The following C8orf34 variants were observed in gnomAD, a reference collection of about 807,000 sequenced individuals.
C8orf34 encodes uncharacterized protein C8orf34.
A neutral mutation model predicts 68.3 loss-of-function variants in C8orf34; 65 were observed. The observed-to-expected ratio is 0.95, with a 90% CI of 0.78 to 1.17. The LOEUF is 1.17. C8orf34 is among the 50% of genes most tolerant of loss of function. The pLI is 0.00. For missense variants in C8orf34, 664 were observed against 655.4 expected, an observed-to-expected ratio of 1.01 and a Z score of -0.14; for synonymous variants, 244 against 241.2, an observed-to-expected ratio of 1.01 and a Z score of -0.11.
At chr8:68,684,694 C>G (rs984540112) in intron 8 of C8orf34, among the ~76,000 whole-genome samples, 1 of 151,740 alleles carries the variant, frequency 6.6e-6, no homozygotes, top group Non-Finnish European at 1.5e-5. Context: ...CTGCTATAAG[C>G]ATGTAAATCG....
intron 1 of C8orf34, 63 bp from the exon 2 acceptor site, chr8:68,439,436 A>T (rs1329056830): frequency 6.6e-7 from 1 of 1,503,860 alleles, no homozygotes; most frequent in African/African-American, 1.4e-5. Flanking sequence ...ATGCTAAGTA[A>T]GTGCTTGCTA....
intron 10 of C8orf34, among the ~76,000 whole-genome samples, chr8:68,774,749 A>T (rs907846313): frequency 2.6e-5 from 4 of 151,194 alleles, no homozygotes; most frequent in South Asian, 2.1e-4. Flanking sequence ...AATTTTTTTT[A>T]AAAAAAACTA....
intron 7 of C8orf34, chr8:68,535,760 A>C: frequency 1.0e-6 from 1 of 955,156 alleles, no homozygotes; most frequent in Non-Finnish European, 1.2e-6. Context: ...GCTCCTTATA[A>C]ATTCACATTG....
At chr8:68,703,456 A>G (rs1405392522) in intron 8 of C8orf34, among the ~76,000 whole-genome samples, 1 of 151,870 alleles carries the variant, frequency 6.6e-6, no homozygotes, top group African/African-American at 2.4e-5. Flanking sequence ...CTTGACAACT[A>G]TTTCTTCCCA....
intron 8 of C8orf34, among the ~76,000 whole-genome samples, chr8:68,648,702 C>T (rs556851874): frequency 8.9e-4 from 136 of 152,326 alleles, no homozygotes; most frequent in Non-Finnish European, 1.7e-3. Context: ...GATACTGGCT[C>T]AGAAACTACA....
intron 7 of C8orf34, among the ~76,000 whole-genome samples, chr8:68,594,108 G>A (rs1319179685): frequency 1.3e-5 from 2 of 152,002 alleles, no homozygotes; most frequent in East Asian, 1.9e-4. Flanking sequence ...TGAAAGTCTT[G>A]TGGTCTTGGG....
chr8:68,489,651 C>T (rs188487815), intron 5 of C8orf34, among the ~76,000 whole-genome samples: 8 of 152,252 alleles, frequency 5.3e-5, no homozygotes, highest in Admixed American at 1.3e-4. Context: ...TTTGTGACAT[C>T]GTGTCGATGC....
chr8:68,371,364 A>G lies in C8orf34; in HGVS notation c.327+40025A>G, dbSNP rs74670818. ...TTCCATAGTTTTGGCAAATTATAGAATTGCAGCATAATTTGAATTCACAAA... is the reference window on the plus strand; with the variant it reads ...TTCCATAGTTTTGGCAAATTATAGAGTTGCAGCATAATTTGAATTCACAAA... On this transcript the variant is annotated intron_variant, in intron 1 of 13. Transcript: ENST00000518698. Among the ~76,000 whole-genome samples the G allele has an allele frequency of 8.1e-3, 1,227 of 152,312 alleles. 40 individuals carry two copies. In the East Asian group the frequency reaches 0.1, roughly 13 times the overall value.
intron 8 of C8orf34, among the ~76,000 whole-genome samples, chr8:68,672,946 AG>A (rs1192609267): frequency 6.6e-6 from 1 of 151,238 alleles, no homozygotes; most frequent in Non-Finnish European, 1.5e-5. Flanking sequence ...ACAGTAGGAT[AG>A]GGCATTGGGT....
At chr8:68,805,322 G>C (rs1824450384) in intron 12 of C8orf34, among the ~76,000 whole-genome samples, 1 of 152,158 alleles carries the variant, frequency 6.6e-6, no homozygotes, top group Admixed American at 6.5e-5. Flanking sequence ...GCTGTTGTTG[G>C]GTGGAGTTTT....
chr8:68,340,824 A>T (rs1401103973), intron 1 of C8orf34, among the ~76,000 whole-genome samples: 1 of 152,184 alleles, frequency 6.6e-6, no homozygotes, highest in Non-Finnish European at 1.5e-5. Context: ...TTTTGCCAAA[A>T]CCAGACAAAA....
intron 5 of C8orf34, among the ~76,000 whole-genome samples, chr8:68,496,815 C>T (rs1233262937): frequency 6.6e-6 from 1 of 152,164 alleles, no homozygotes; most frequent in Non-Finnish European, 1.5e-5. Flanking sequence ...ACTGAAATTG[C>T]TGTGATCCTG....
Position 68,654,620 on chromosome 8 carries a change from T to C in C8orf34, c.1241+14109T>C, listed in dbSNP as rs895698532. Among the ~76,000 whole-genome samples, 3 of 152,170 alleles carry C rather than the reference T, an allele frequency of 2.0e-5. No homozygotes were observed. The East Asian group carries it at 5.8e-4, about 29-fold the overall frequency. ...CGTATATTATAATCAAATATATTGA[T>C]TTACATACATAGTATTTAATCTAAT... On this transcript the variant is annotated intron_variant, in intron 8 of 13. Coordinates refer to ENST00000518698, the MANE Select transcript of C8orf34 (RefSeq NM_052958.4).
intron 1 of C8orf34, among the ~76,000 whole-genome samples, chr8:68,400,082 A>G (rs963872185): frequency 3.3e-5 from 5 of 152,246 alleles, no homozygotes; most frequent in Admixed American, 6.6e-5. Context: ...TGTTGGATGC[A>G]TGGTTTGCAA....
At chr8:68,496,132 A>G (rs1381992823) in intron 5 of C8orf34, among the ~76,000 whole-genome samples, 4 of 152,200 alleles carry the variant, frequency 2.6e-5, no homozygotes, top group African/African-American at 9.6e-5. Context: ...CTCTTAAGAA[A>G]TAGACTTCAG....
intron 5 of C8orf34, among the ~76,000 whole-genome samples, chr8:68,508,695 T>C (rs1814130016): frequency 6.6e-6 from 1 of 152,168 alleles, no homozygotes; most frequent in Non-Finnish European, 1.5e-5. Context: ...CCAAATGTTT[T>C]GCATCTGCCT....
At chr8:68,536,358 CAAAAAAA>C (rs10696903) in intron 7 of C8orf34, among the ~76,000 whole-genome samples, 12 of 49,226 alleles carry the variant, frequency 2.4e-4, no homozygotes, top group African/African-American at 4.2e-4. Context: ...GACCCTATCT[CAAAAAAA>C]AAAAAAAAAA....
At chr8:68,464,139 A>G (rs541907373) in intron 3 of C8orf34, among the ~76,000 whole-genome samples, 192 of 152,332 alleles carry the variant, frequency 1.3e-3, no homozygotes, top group African/African-American at 4.1e-3. Context: ...GCATTCTTAT[A>G]CACCAATAAC....
At chr8:68,347,315 T>C (rs1271896689) in intron 1 of C8orf34, among the ~76,000 whole-genome samples, 1 of 152,178 alleles carries the variant, frequency 6.6e-6, no homozygotes, top group African/African-American at 2.4e-5. Flanking sequence ...TACGGCTGCA[T>C]AGCATTCCAT....
Sources: gnomAD v4.1 joint callset for allele counts (sites outside exome capture counted in the v4.1 genomes callset) on GRCh38, gnomAD v4.1.1 for gene constraint, MANE v1.5 for transcripts, NCBI Gene and HGNC (gene_info 2026-07-23, HGNC 2026-07-21) for gene names.